Variants in IHH observed in about 807,000 individuals in gnomAD.
IHH encodes indian hedgehog protein.
Under a neutral mutation model 29.4 loss-of-function variants are expected in IHH, and 9 were observed. The ratio of observed to expected loss-of-function variants is 0.31; its 90% CI spans 0.18 to 0.53. IHH has a LOEUF of 0.53. IHH is among the 20% of genes least tolerant of loss of function. The probability of loss-of-function intolerance (pLI) is 0.95; values close to 1 mark genes in which losing one functional copy is unlikely to be tolerated. For missense variants in IHH, 454 were observed against 578.1 expected, an observed-to-expected ratio of 0.79 and a Z score of 2.20; for synonymous variants, 254 against 252.7, an observed-to-expected ratio of 1.01 and a Z score of -0.05.
rs775672602 is a variant in IHH at position 219,060,146 on chromosome 2, C to T, written c.315+7G>A. 1.6e-5 allele frequency: 26 copies of T among 1,603,482 alleles called. No homozygotes were observed. The highest frequency in any genetic ancestry group is 1.4e-5 in the Non-Finnish European group (16 of 1,173,874). On this transcript the variant is annotated splice_region_variant and intron_variant, in intron 1 of 2. Transcript: ENST00000295731. This position sits in a 1 kb window ranked among gnomAD's most constrained non-coding sequence, Gnocchi z 8.8. ...GGCGGCGCGCTGGTAGGGCGGATCGCGCTCACCTGGGTCATGAGGCGGTCG... is the reference window on the plus strand; with the variant it reads ...GGCGGCGCGCTGGTAGGGCGGATCGTGCTCACCTGGGTCATGAGGCGGTCG...
intron 1 of IHH, among the ~76,000 whole-genome samples, chr2:219,058,341 C>A (rs1443106649): frequency 1.3e-5 from 2 of 152,194 alleles, no homozygotes; most frequent in Non-Finnish European, 2.9e-5. Flanking sequence ...AATCTTAAAC[C>A]GGCCCACAAC....
chr2:219,060,248 T>C lies in IHH; in HGVS notation c.220A>G (p.Ser74Gly). 1 of 1,613,742 alleles carries C rather than the reference T, an allele frequency of 6.2e-7. No homozygotes were observed. The highest frequency in any genetic ancestry group is 8.5e-7 in the Non-Finnish European group (1 of 1,179,888). ...SGRYEGKIAR[S>G]SERFKELTPN... is the part of the protein sequence containing the mutation. ...GTGAGCTCCTTGAAGCGCTCGGAGC[T>C]GCGAGCGATCTTGCCTTCATAGCGT... is the stretch of plus-strand genomic sequence containing the variant. The change falls in exon 1 of 3, where the codon AGC becomes GGC. Residue 74 changes from serine (S) to glycine (G), a missense_variant. Ser to Gly is a moderately conservative substitution (Grantham distance 56, BLOSUM62 0). Coordinates refer to ENST00000295731, the MANE Select transcript of IHH (RefSeq NM_002181.4). This position sits in a 1 kb window ranked among gnomAD's most constrained non-coding sequence, Gnocchi z 8.8.
Position 219,054,948 on chromosome 2 carries a change from C to G in IHH, c.*259G>C. ...GCAGGCTGAGTTGGGAGTCGCCGTG[C>G]CAGCCTCAAGGTCTCTAGGAGAGAG... On this transcript the variant is annotated 3_prime_UTR_variant, in exon 3 of 3. Transcript: ENST00000295731. 1 of 533,648 alleles carries G rather than the reference C, an allele frequency of 1.9e-6. No individual in the cohort carries two copies. The highest frequency in any genetic ancestry group is 3.4e-5 in the Admixed American group (1 of 29,262). The allele number at this position is 533,648 out of a possible 1,614,324, so 33.1% of individuals were successfully genotyped here. A position where few individuals can be genotyped will look rare whatever the true frequency, so the allele number is the denominator to read the frequency against.
Position 219,060,527 on chromosome 2 carries a change from G to C in IHH, c.-60C>G, listed in dbSNP as rs1256757363. On this transcript the variant is annotated 5_prime_UTR_variant, in exon 1 of 3. Transcript: ENST00000295731. The surrounding 1 kb of genome is among the most constrained non-coding windows in gnomAD (Gnocchi z 8.8). ...TCCTGGTGGGCTGATGGGCAGGCGC[G>C]TCGACGGGAGCGCTGCGGGGGCTCA... is the stretch of plus-strand genomic sequence containing the variant. 1 of 1,237,284 alleles carries C rather than the reference G, an allele frequency of 8.1e-7. No homozygotes were observed. The highest frequency in any genetic ancestry group is 1.6e-5 in the African/African-American group (1 of 62,840). 76.6% of individuals were successfully genotyped at this position (1,237,284 alleles called of 1,614,324 possible).
chr2:219,060,299 G>A lies in IHH; in HGVS notation c.169C>T (p.Pro57Ser), dbSNP rs1329465985. ...LAYKQFSPNV[P>S]EKTLGASGRY... ...CCGCTGGCGCCCAGGGTCTTCTCGG[G>A]CACATTGGGGCTGAACTGCTTGTAG... Residue 57 changes from proline (P) to serine (S), a missense_variant, in exon 1 of 3, where the codon CCC becomes TCC. Around this residue, in one of 3 missense-constraint regions of IHH, gnomAD observed 113 missense variants for 122.1 expected, o/e 0.93. Coordinates refer to ENST00000295731, the MANE Select transcript of IHH (RefSeq NM_002181.4). This position sits in a 1 kb window ranked among gnomAD's most constrained non-coding sequence, Gnocchi z 8.8. 7.4e-6 allele frequency: 12 copies of A among 1,612,898 alleles called. No individual in the cohort carries two copies. Among genetic ancestry groups the A allele is most frequent in the Non-Finnish European group, 1.0e-5 (12 of 1,179,840 alleles).
Position 219,055,494 on chromosome 2 carries a change from C to T in IHH, c.949G>A (p.Val317Met), listed in dbSNP as rs886044074. 2.5e-6 allele frequency: 4 copies of T among 1,609,560 alleles called. No individual in the cohort carries two copies. The highest frequency in any genetic ancestry group is 2.2e-5 in the South Asian group (2 of 90,984). ...GCCACGTGTGTAGAGACAGCTGCCA[C>T]GCGGGCAGGCTGCAGGCCTGGCACC... The part of the protein sequence containing the change: ...AGVPGLQPAR[V>M]AAVSTHVALG... The change falls in exon 3 of 3, where the codon GTG becomes ATG. Residue 317 changes from valine (V) to methionine (M), a missense_variant. Transcript: ENST00000295731.
intron 2 of IHH, 61 bp from the exon 3 acceptor site, chr2:219,055,926 G>A (rs1395283991): frequency 1.3e-4 from 204 of 1,545,512 alleles, no homozygotes; most frequent in Non-Finnish European, 1.7e-4. Flanking sequence ...TGGTCACAAC[G>A]ACCCTCCCTT....
Position 219,055,720 on chromosome 2 carries a change from G to A in IHH, c.723C>T (p.Ser241=), listed in dbSNP as rs539106829. The A allele has an allele frequency of 5.0e-6, 8 of 1,613,756 alleles. No individual in the cohort carries two copies. The highest frequency in any genetic ancestry group is 4.4e-5 in the South Asian group (4 of 91,078). Residue 241 remains serine (S), a synonymous_variant, in exon 3 of 3, where the codon AGC becomes AGT. Transcript: ENST00000295731. The part of the protein sequence containing the change: ...AMGEDGSPTF[S]DVLIFLDREP... ...CGCGGTCCAGGAAAATGAGCACATC[G>A]CTGAAGGTGGGGCTCCCATCCTCCC...
Position 219,060,552 on chromosome 2 carries a change from A to C in IHH, c.-85T>G. The C allele has an allele frequency of 2.0e-6, 2 of 1,023,494 alleles. No individual in the cohort carries two copies. Among genetic ancestry groups the C allele is most frequent in the Non-Finnish European group, 2.6e-6 (2 of 772,942 alleles). The allele number at this position is 1,023,494 out of a possible 1,614,324, so 63.4% of individuals were successfully genotyped here. ...GTCGACGGGAGCGCTGCGGGGGCTC[A>C]GGCGTCCGGGTGGCTCCGGGGGGCT... On this transcript the variant is annotated 5_prime_UTR_variant, in exon 1 of 3. The change abolishes the stop of an existing upstream ORF in the 5' untranslated region. Coordinates refer to ENST00000295731, the MANE Select transcript of IHH (RefSeq NM_002181.4). This position sits in a 1 kb window ranked among gnomAD's most constrained non-coding sequence, Gnocchi z 8.8.
Position 219,055,195 on chromosome 2 carries a change from G to C in IHH, c.*12C>G, listed in dbSNP as rs768067625. On this transcript the variant is annotated 3_prime_UTR_variant, in exon 3 of 3. Transcript: ENST00000295731. ...AGTACAGCAGTTCCAGGAGGGCAGCGGTGGAGTCCTTTCAGCTCCCTGCCC... is the reference window on the plus strand; with the variant it reads ...AGTACAGCAGTTCCAGGAGGGCAGCCGTGGAGTCCTTTCAGCTCCCTGCCC... 2.6e-6 allele frequency: 4 copies of C among 1,557,766 alleles called. No homozygotes were observed. Among genetic ancestry groups the C allele is most frequent in the East Asian group, 4.9e-5 (2 of 41,208 alleles).
chr2:219,056,313 C>T (rs1279062367), intron 2 of IHH, among the ~76,000 whole-genome samples: 1 of 152,192 alleles, frequency 6.6e-6, no homozygotes, highest in Non-Finnish European at 1.5e-5. Flanking sequence ...GTGAGAGGAG[C>T]CCACCCAGTG....
In IHH at chr2:219,057,664, T is replaced by G; in HGVS notation, c.346A>C (p.Ile116Leu). 3 of 1,609,962 alleles carry G rather than the reference T, an allele frequency of 1.9e-6. No homozygotes were observed. Among genetic ancestry groups the G allele is most frequent in the East Asian group, 2.2e-5 (1 of 44,840 alleles). Residue 116 changes from isoleucine to leucine, a missense_variant, in exon 2 of 3, where the codon ATC becomes CTC. Coordinates refer to ENST00000295731, the MANE Select transcript of IHH (RefSeq NM_002181.4). ...RCKDRLNSLAISVMNQWPGVK... is the reference protein window; with the variant it reads ...RCKDRLNSLALSVMNQWPGVK... ...CCGGGCCACTGGTTCATCACCGAGA[T>G]AGCCAGCGAGTTCAGGCGGTCCTTG...
chr2:219,055,942 C>T, intron 2 of IHH, 77 bp from the exon 3 acceptor site: 1 of 1,477,148 alleles, frequency 6.8e-7, no homozygotes, highest in Non-Finnish European at 9.1e-7. Flanking sequence ...CCCTTGGCCA[C>T]CCCAGCCAGC....
chr2:219,057,107 C>T (rs966833299), intron 2 of IHH, among the ~76,000 whole-genome samples: 2 of 152,206 alleles, frequency 1.3e-5, no homozygotes, highest in Non-Finnish European at 2.9e-5. Flanking sequence ...GTGGGGAGGC[C>T]TTGTCTGGCA....
rs1457003763 is a variant in IHH, at chr2:219,060,384, G to A, written c.84C>T (p.Cys28=). The change falls in exon 1 of 3, where the codon TGC becomes TGT. Residue 28 remains cysteine, a synonymous_variant. Transcript: ENST00000295731. The surrounding 1 kb of genome is among the most constrained non-coding windows in gnomAD (Gnocchi z 8.8). ...LLLVVPAAWG[C]GPGRVVGSRR... The stretch of plus-strand genomic sequence containing the variant: ...GGCTGCCCACCACCCGACCCGGCCC[G>A]CAGCCCCATGCCGCCGGCACCACCA... 2 of 1,601,362 alleles carry A rather than the reference G, an allele frequency of 1.2e-6. No homozygotes were observed. Among genetic ancestry groups the A allele is most frequent in the Non-Finnish European group, 1.7e-6 (2 of 1,177,676 alleles).
At position 219,054,878 on chromosome 2, in the gene IHH, G is replaced by A. The variant is rs1948815535; in HGVS notation, c.*329C>T. On this transcript the variant is annotated 3_prime_UTR_variant, in exon 3 of 3. Transcript: ENST00000295731. ...AAGGGGCCTAAGATGGATGGAATGGGCCCTCCCCAATGGGGGAGGCAGAGT... is the reference window on the plus strand; with the variant it reads ...AAGGGGCCTAAGATGGATGGAATGGACCCTCCCCAATGGGGGAGGCAGAGT... 5.7e-6 allele frequency: 2 copies of A among 352,140 alleles called. No homozygotes were observed. Among genetic ancestry groups the A allele is most frequent in the Admixed American group, 4.5e-5 (1 of 22,154 alleles). 21.8% of individuals were successfully genotyped at this position (352,140 alleles called of 1,614,324 possible).
intron 1 of IHH, chr2:219,058,843 G>A (rs112018506): frequency 8.4e-4 from 131 of 155,030 alleles, no homozygotes; most frequent in African/African-American, 3.0e-3. Context: ...CAGACCCTTG[G>A]ACTCAGCCTT....
intron 2 of IHH, 133 bp from the exon 3 acceptor site, chr2:219,055,998 C>T: frequency 1.1e-6 from 1 of 909,114 alleles, no homozygotes; most frequent in Non-Finnish European, 1.7e-6. Flanking sequence ...CATATCCCAG[C>T]TCCTGCCCCC....
In IHH at chr2:219,060,099, G is replaced by T. The variant is rs866100164; in HGVS notation, c.315+54C>A. 6.4e-5 allele frequency: 95 copies of T among 1,486,996 alleles called. No homozygotes were observed. Among genetic ancestry groups the T allele is most frequent in the Non-Finnish European group, 8.1e-5 (88 of 1,080,440 alleles). 92.1% of individuals were successfully genotyped at this position (1,486,996 alleles called of 1,614,324 possible). A position where few individuals can be genotyped will look rare whatever the true frequency, so the allele number is the denominator to read the frequency against. ...AATGTGCCAGGGGGTGGGTAGGGCC[G>T]GGCAGGTGGCCGTGCTTCGGTGGCG... On this transcript the variant is annotated intron_variant, in intron 1 of 2. Coordinates refer to ENST00000295731, the MANE Select transcript of IHH (RefSeq NM_002181.4). This position sits in a 1 kb window ranked among gnomAD's most constrained non-coding sequence, Gnocchi z 8.8.
Sources: allele counts gnomAD v4.1 joint callset (sites outside exome capture counted in the v4.1 genomes callset), GRCh38; gene constraint gnomAD v4.1.1; regional missense constraint gnomAD v4.1.1; non-coding constraint Gnocchi (gnomAD v3.1); transcripts MANE v1.5; gene names NCBI Gene and HGNC (gene_info 2026-07-23, HGNC 2026-07-21).